ZNF816: variants seen among roughly 807,000 people sequenced by gnomAD.
The protein encoded by ZNF816 is zinc finger protein 816A.
Under a neutral mutation model 8.3 loss-of-function variants are expected in ZNF816, and 11 were observed. The ratio of observed to expected loss-of-function variants is 1.32; its 90% CI spans 0.83 to 2.19. The LOEUF is 2.19. Ranked by LOEUF, ZNF816 falls within the 30% of genes most tolerant of loss-of-function variation. The pLI is 0.00. For synonymous variants in ZNF816, 255 were observed against 254.5 expected (o/e 1.00, Z -0.02); for missense variants, 710 against 779.3 (o/e 0.91, Z 1.06).
Position 52,949,706 on chromosome 19 carries a change from GA to G in ZNF816, c.*112del, listed in dbSNP as rs2083436756. 3.3e-6 allele frequency: 5 copies of G among 1,497,770 alleles called. No homozygotes were observed. The African/African-American group carries it at 6.9e-5, about 21-fold the overall frequency. The allele number at this position is 1,497,770 out of a possible 1,614,324, so 92.8% of individuals were successfully genotyped here. A position where few individuals can be genotyped will look rare whatever the true frequency, so the allele number is the denominator to read the frequency against. On this transcript the variant is annotated 3_prime_UTR_variant, in exon 4 of 4. Transcript: ENST00000444460. ...AGTTCACTGATGAACTACAAGTTAT[GA>G]ATGACGTCTGAAAAATTTGCCACAT...
chr19:52,949,653 G>C lies in ZNF816; in HGVS notation c.*166C>G. The C allele has an allele frequency of 2.7e-6, 3 of 1,091,450 alleles. No homozygotes were observed. The highest frequency in any genetic ancestry group is 4.2e-6 in the Non-Finnish European group (3 of 720,690). The allele number at this position is 1,091,450 out of a possible 1,614,324, so 67.6% of individuals were successfully genotyped here. A position where few individuals can be genotyped will look rare whatever the true frequency, so the allele number is the denominator to read the frequency against. On this transcript the variant is annotated 3_prime_UTR_variant, in exon 4 of 4. Transcript: ENST00000444460. ...TGACTGAAGACCTTGTCACAGTCAT[G>C]ATATTTGTAAGGTTTCTCTCCAGTA...
chr19:52,952,929 C>T (rs1480869399), intron 2 of ZNF816, 52 bp from the exon 3 acceptor site: 1 of 1,549,070 alleles, frequency 6.5e-7, no homozygotes. Context: ...TGAGTTATTG[C>T]CCTCACGTGA....
chr19:52,952,517 G>T, intron 3 of ZNF816: 1 of 680,444 alleles, frequency 1.5e-6, no homozygotes, highest in Non-Finnish European at 2.3e-6. Context: ...GCAGGATGAT[G>T]TTCAATTGTA....
Position 52,951,296 on chromosome 19 carries a change from A to C in ZNF816, c.479T>G (p.Phe160Cys). 1 of 1,614,180 alleles carries C rather than the reference A, an allele frequency of 6.2e-7. No individual in the cohort carries two copies. The highest frequency in any genetic ancestry group is 8.5e-7 in the Non-Finnish European group (1 of 1,180,034). ...GTGGAGTTCAGGCAGATGCGAATGA[A>C]AGCTTAATCCAAGCTGATCTTTAAT... ...KPIKDQLGLSFHSHLPELHMF... is the reference protein window; with the variant it reads ...KPIKDQLGLSCHSHLPELHMF... Residue 160 changes from phenylalanine (F) to cysteine (C), a missense_variant, in exon 4 of 4, where the codon TTT becomes TGT. Physicochemically the swap from Phe to Cys is radical, Grantham distance 205 (BLOSUM62 -2). Transcript: ENST00000444460.
Position 52,957,690 on chromosome 19 carries a change from C to G in ZNF816, c.-15-1586G>C, listed in dbSNP as rs1355026679. The stretch of plus-strand genomic sequence containing the variant: ...AAAAGACTATTGTTATAATCGGAGC[C>G]ATGGGAGTTTTATCAAAGCAAGCTT... On this transcript the variant is annotated intron_variant, in intron 1 of 3. Coordinates refer to ENST00000444460, the MANE Select transcript of ZNF816 (RefSeq NM_001202457.3). This position sits in a 1 kb window ranked among gnomAD's most constrained non-coding sequence, Gnocchi z 4.6. Among the ~76,000 whole-genome samples the G allele has an allele frequency of 1.3e-5, 2 of 152,202 alleles. No homozygotes were observed. Among genetic ancestry groups the G allele is most frequent in the African/African-American group, 4.8e-5 (2 of 41,452 alleles).
chr19:52,955,996 A>G, intron 2 of ZNF816, 31 bp downstream of exon 2: 1 of 1,593,492 alleles, frequency 6.3e-7, no homozygotes, highest in South Asian at 1.1e-5. Flanking sequence ...AAGGAAAGAG[A>G]CAGAAGAATC....
chr19:52,951,630 T>C (rs1436038441), intron 3 of ZNF816, 46 bp from the exon 4 acceptor site: 1 of 1,458,802 alleles, frequency 6.9e-7, no homozygotes, highest in Admixed American at 2.3e-5. Context: ...GTACAGATGG[T>C]AAATAATAGT....
chr19:52,960,028 TG>T (rs1344223228), intron 1 of ZNF816: 1 of 155,428 alleles, frequency 6.4e-6, no homozygotes, highest in Non-Finnish European at 1.4e-5. Context: ...GGACAGTACC[TG>T]TGCCACAGCT....
chr19:52,959,667 A>G (rs2083540063), intron 1 of ZNF816, among the ~76,000 whole-genome samples: 1 of 152,180 alleles, frequency 6.6e-6, no homozygotes, highest in African/African-American at 2.4e-5. Flanking sequence ...TTAACCCTTC[A>G]AGTGCATAAA....
chr19:52,952,335 A>T (rs2083466796), intron 3 of ZNF816, among the ~76,000 whole-genome samples: 1 of 151,774 alleles, frequency 6.6e-6, no homozygotes, highest in Admixed American at 6.6e-5. Flanking sequence ...AAGACTCTGC[A>T]CTCCAGTCTG....
chr19:52,950,679 C>T lies in ZNF816; in HGVS notation c.1096G>A (p.Glu366Lys). ...LVIHKAIHTG[E>K]KPYKCNECGK... is the part of the protein sequence containing the mutation. ...CACTCATTACACTTGTAAGGTTTCT[C>T]TCCAGTATGAATTGCCTTATGAATT... Residue 366 changes from glutamate to lysine, a missense_variant, in exon 4 of 4, where the codon GAG becomes AAG. Physicochemically the swap from Glu to Lys is moderately conservative, Grantham distance 56. Transcript: ENST00000444460. 1 of 1,614,204 alleles carries T rather than the reference C, an allele frequency of 6.2e-7. No homozygotes were observed. The highest frequency in any genetic ancestry group is 1.1e-5 in the South Asian group (1 of 91,084).
Position 52,949,738 on chromosome 19 carries a change from AC to A in ZNF816, c.*80del. On this transcript the variant is annotated 3_prime_UTR_variant, in exon 4 of 4. Coordinates refer to ENST00000444460, the MANE Select transcript of ZNF816 (RefSeq NM_001202457.3). ...GTCTGAAAAATTTGCCACATTTATT[AC>A]ACTTGTAGATCTCTCTTCAATATGG... 6.2e-7 allele frequency: 1 copy of A among 1,601,452 alleles called. No homozygotes were observed. Among genetic ancestry groups the A allele is most frequent in the Non-Finnish European group, 8.5e-7 (1 of 1,171,420 alleles).
chr19:52,952,718 G>A lies in ZNF816; in HGVS notation c.190+33C>T, dbSNP rs1331204984. 3 of 1,612,096 alleles carry A rather than the reference G, an allele frequency of 1.9e-6. No individual in the cohort carries two copies. In the East Asian group the frequency reaches 6.7e-5, roughly 36 times the overall value. ...GAAAGAGCCAAGATAGACAAGTGCA[G>A]ATTCCTCATGTCTGGAGGGACATTT... On this transcript the variant is annotated intron_variant, in intron 3 of 3. Coordinates refer to ENST00000444460, the MANE Select transcript of ZNF816 (RefSeq NM_001202457.3).
intron 1 of ZNF816, 44 bp from the exon 2 acceptor site, chr19:52,956,148 G>C (rs1220156712): frequency 4.4e-6 from 7 of 1,578,944 alleles, no homozygotes. Flanking sequence ...AGAAACCATT[G>C]ACTCCTTTCC....
intron 2 of ZNF816, among the ~76,000 whole-genome samples, chr19:52,955,483 T>C (rs901575223): frequency 2.0e-5 from 3 of 152,174 alleles, no homozygotes; most frequent in African/African-American, 7.2e-5. Context: ...AATTGTGCCA[T>C]TGCACTCCAG....
Position 52,949,934 on chromosome 19 carries a change from ACTCT to A in ZNF816, c.1837_1840del (p.Arg613PhefsTer80). 1 of 1,613,546 alleles carries A rather than the reference ACTCT, an allele frequency of 6.2e-7. No individual in the cohort carries two copies. Among genetic ancestry groups the A allele is most frequent in the Non-Finnish European group, 8.5e-7 (1 of 1,179,816 alleles). On this transcript the variant is annotated frameshift_variant, in exon 4 of 4. Transcript: ENST00000444460. LOFTEE classifies it low-confidence loss of function (END_TRUNC). ...CTTGTAAGGTTTCTCTGCAGTATGA[ACTCT>A]CTGATGTTTTGCAAGGCTTGCTTTT...
rs201486059 is a variant in ZNF816, at chr19:52,950,813, G to A, written c.962C>T (p.Thr321Ile). The stretch of plus-strand genomic sequence containing the variant: ...TCTAAGGGATGACTTCTCACTGAAG[G>A]TCTTGCCACACTCATTACACTTGTA... ...KPYKCNECGK[T>I]FSEKSSLRCH... The change falls in exon 4 of 4, where the codon ACC (threonine) becomes ATC (isoleucine). Residue 321 changes from threonine to isoleucine, a missense_variant. Coordinates refer to ENST00000444460, the MANE Select transcript of ZNF816 (RefSeq NM_001202457.3). 47 of 1,613,614 alleles carry A rather than the reference G, an allele frequency of 2.9e-5. No individual in the cohort carries two copies. In the African/African-American group the frequency reaches 5.5e-4, roughly 19 times the overall value.
At chr19:52,958,806 G>A (rs1244257597) in intron 1 of ZNF816, among the ~76,000 whole-genome samples, 1 of 152,200 alleles carries the variant, frequency 6.6e-6, no homozygotes, top group African/African-American at 2.4e-5. Flanking sequence ...GGTGCTGTGA[G>A]GTTCTGCAGA....
chr19:52,954,927 G>A (rs1259271966), intron 2 of ZNF816, among the ~76,000 whole-genome samples: 7 of 151,712 alleles, frequency 4.6e-5, no homozygotes, highest in South Asian at 4.2e-4. Flanking sequence ...TCTCAACAGC[G>A]ATTCCCCACT....
Sources: allele counts gnomAD v4.1 joint callset (sites outside exome capture counted in the v4.1 genomes callset), GRCh38; gene constraint gnomAD v4.1.1; non-coding constraint Gnocchi (gnomAD v3.1); transcripts MANE v1.5; gene names NCBI Gene and HGNC (gene_info 2026-07-23, HGNC 2026-07-21).